ARMH3: variants seen among roughly 807,000 people sequenced by gnomAD.
The protein encoded by ARMH3 is armadillo like helical domain containing 3.
In ARMH3, 60 loss-of-function variants were observed where a neutral mutation model predicts 99.1. The observed-to-expected ratio is 0.61, with a 90% CI of 0.49 to 0.75. The LOEUF is 0.75. ARMH3 is among the 30% of genes least tolerant of loss of function. The pLI is 0.00. For missense variants in ARMH3, 679 were observed against 843.1 expected (o/e 0.81, Z 2.41); for synonymous variants, 285 against 292.8 (o/e 0.97, Z 0.27).
At chr10:101,985,859 A>G (rs1160751148) in intron 19 of ARMH3, among the ~76,000 whole-genome samples, 1 of 152,046 alleles carries the variant, frequency 6.6e-6, no homozygotes, top group Admixed American at 6.6e-5. Flanking sequence ...TCTACTAAAA[A>G]TACAAAAAAT....
chr10:102,016,185 T>A (rs117692115), intron 8 of ARMH3, among the ~76,000 whole-genome samples: 4,083 of 151,772 alleles, frequency 0.027, 97 homozygotes, highest in Non-Finnish European at 0.039. Context: ...GGATTTTGGA[T>A]TTTTTTTTAA....
At position 102,029,564 on chromosome 10, in the gene ARMH3, T is replaced by G. The variant is rs768665601; in HGVS notation, c.414+74A>C. The G allele has an allele frequency of 1.9e-6, 3 of 1,614,074 alleles. No homozygotes were observed. The South Asian group carries it at 3.3e-5, about 18-fold the overall frequency. On this transcript the variant is annotated intron_variant, in intron 5 of 25. Transcript: ENST00000370033. ...TCTGAGTCCAAATCTTTGAGTACAT[T>G]TGTCTGCTGATAGTGTCCAGGAACA... is the stretch of plus-strand genomic sequence containing the variant.
chr10:101,885,858 CA>C (rs2067527454), intron 24 of ARMH3, among the ~76,000 whole-genome samples: 1 of 151,600 alleles, frequency 6.6e-6, no homozygotes, highest in Non-Finnish European at 1.5e-5. Flanking sequence ...GTTTTGAGAC[CA>C]GGCTGGCCAA....
In ARMH3 at chr10:101,975,279, G is replaced by T; in HGVS notation, c.1428C>A (p.His476Gln). Reference protein sequence around the residue: ...DLYIRCIQVVHKLLCYQKKCR... With the variant: ...DLYIRCIQVVQKLLCYQKKCR... ...ACTTCTTCTGGTAGCAGAGCAGTTT[G>T]TGTACTACCTGGATGCAGCGTCTGT... The change falls in exon 20 of 26, where the codon CAC becomes CAA. Residue 476 changes from histidine to glutamine, a missense_variant. Physicochemically the swap from His to Gln is conservative, Grantham distance 24. This residue lies in a region of ARMH3 where 389 missense variants were observed against 456.5 expected (regional missense o/e 0.85). Transcript: ENST00000370033. The T allele has an allele frequency of 1.2e-6, 2 of 1,612,564 alleles. No individual in the cohort carries two copies. Among genetic ancestry groups the T allele is most frequent in the Non-Finnish European group, 1.7e-6 (2 of 1,179,002 alleles).
intron 19 of ARMH3, among the ~76,000 whole-genome samples, chr10:101,980,565 C>T (rs1437770240): frequency 6.6e-6 from 1 of 152,156 alleles, no homozygotes; most frequent in Non-Finnish European, 1.5e-5. Context: ...TCCCAAAGTG[C>T]TAGGATTACA....
intron 23 of ARMH3, among the ~76,000 whole-genome samples, chr10:101,932,296 A>C (rs1843753216): frequency 6.6e-6 from 1 of 152,364 alleles, no homozygotes; most frequent in East Asian, 1.9e-4. Context: ...ACAGAAAACA[A>C]GTGTTGGGAA....
At chr10:101,894,767 G>C (rs113881891) in intron 23 of ARMH3, among the ~76,000 whole-genome samples, 1,576 of 152,100 alleles carry the variant, frequency 0.01, 30 homozygotes, top group African/African-American at 0.032. Context: ...CAGCTACTTG[G>C]GGGGCTGAGG....
chr10:101,877,579 C>A (rs2067300517), intron 24 of ARMH3, among the ~76,000 whole-genome samples: 1 of 152,068 alleles, frequency 6.6e-6, no homozygotes, highest in African/African-American at 2.4e-5. Context: ...TCGCTTGAAC[C>A]CGGGAGGTGG....
intron 23 of ARMH3, among the ~76,000 whole-genome samples, chr10:101,936,183 T>A (rs1843962548): frequency 6.6e-6 from 1 of 151,866 alleles, no homozygotes; most frequent in African/African-American, 2.4e-5. Context: ...GTTAAGGTAA[T>A]ATCTTAACTT....
chr10:102,029,611 C>T, intron 5 of ARMH3, 27 bp downstream of exon 5: 1 of 1,614,240 alleles, frequency 6.2e-7, no homozygotes. Flanking sequence ...CTGCCATCCA[C>T]AGGCACATCT....
intron 13 of ARMH3, 96 bp downstream of exon 13, chr10:102,009,278 G>A: frequency 8.9e-7 from 1 of 1,126,900 alleles, no homozygotes; most frequent in South Asian, 1.4e-5. Flanking sequence ...ATGCAAAGCA[G>A]GGTTTAAACA....
At chr10:102,046,280 G>A (rs2067547540) in intron 1 of ARMH3, among the ~76,000 whole-genome samples, 1 of 150,214 alleles carries the variant, frequency 6.7e-6, no homozygotes, top group South Asian at 2.1e-4. Flanking sequence ...GAGAGAAAGA[G>A]AGGGAGAGAG....
intron 1 of ARMH3, among the ~76,000 whole-genome samples, chr10:102,044,116 C>CA (rs2067488063): frequency 7.3e-6 from 1 of 136,616 alleles, no homozygotes; most frequent in Admixed American, 7.9e-5. Flanking sequence ...TTTTTGGAGA[C>CA]GGAGTCTCGC....
chr10:101,896,617 G>A (rs1034300023), intron 23 of ARMH3, among the ~76,000 whole-genome samples: 1 of 152,186 alleles, frequency 6.6e-6, no homozygotes, highest in Non-Finnish European at 1.5e-5. Flanking sequence ...CAGTTTTTGA[G>A]CAAGCTGCTT....
Position 102,029,473 on chromosome 10 carries a change from C to G in ARMH3, c.414+165G>C, listed in dbSNP as rs1029376181. ...TTTGAATTTAAAATTTTCCTTTATT[C>G]AGATAAAGCAAATCTGTGAAATAAA... is the stretch of plus-strand genomic sequence containing the variant. On this transcript the variant is annotated intron_variant, in intron 5 of 25. Transcript: ENST00000370033. 3 of 1,552,038 alleles carry G rather than the reference C, an allele frequency of 1.9e-6. No homozygotes were observed. The African/African-American group carries it at 4.1e-5, about 21-fold the overall frequency.
At chr10:101,878,465 C>CTG (rs551349442) in intron 24 of ARMH3, among the ~76,000 whole-genome samples, 2 of 150,790 alleles carry the variant, frequency 1.3e-5, no homozygotes, top group South Asian at 4.2e-4. Flanking sequence ...CATAGTAAGA[C>CTG]CCCATCTCTA....
At chr10:101,975,077 C>CAA in intron 20 of ARMH3, 135 bp downstream of exon 20, 1 of 110,490 alleles carries the variant, frequency 9.1e-6, no homozygotes, top group East Asian at 2.1e-4. Flanking sequence ...AAAAAAAAGA[C>CAA]AAAAAGAGTA....
intron 23 of ARMH3, among the ~76,000 whole-genome samples, chr10:101,917,241 C>G (rs1362631915): frequency 1.3e-5 from 2 of 152,190 alleles, no homozygotes; most frequent in African/African-American, 4.8e-5. Flanking sequence ...TTCCCCTGTG[C>G]CCATTTGTAA....
intron 17 of ARMH3, among the ~76,000 whole-genome samples, chr10:101,992,894 TA>T (rs1846866716): frequency 1.3e-5 from 2 of 152,194 alleles, no homozygotes; most frequent in Non-Finnish European, 1.5e-5. Context: ...GAGCAGCAGC[TA>T]GTCTTAGCCA....
Sources: gnomAD v4.1 joint callset for allele counts (sites outside exome capture counted in the v4.1 genomes callset) on GRCh38, gnomAD v4.1.1 for gene constraint, gnomAD v4.1.1 regional missense constraint, MANE v1.5 for transcripts, NCBI Gene and HGNC (gene_info 2026-07-23, HGNC 2026-07-21) for gene names.